CLCN4: variants seen among roughly 807,000 people sequenced by gnomAD.
CLCN4 encodes the protein Cl-/H+ antiporter 4.
CLCN4 carries 1 observed loss-of-function variant against 41.7 expected under a neutral mutation model. The ratio of observed to expected loss-of-function variants is 0.02; its 90% CI spans 0.01 to 0.11. The LOEUF (loss-of-function observed/expected upper bound fraction) is 0.11, where lower values mean the gene tolerates loss of function less well. Ranked by LOEUF, CLCN4 falls within the 10% of genes least tolerant of loss-of-function variation. The pLI is 1.00. For synonymous variants in CLCN4, 277 were observed against 285.8 expected, an observed-to-expected ratio of 0.97 and a Z score of 0.31; for missense variants, 287 against 661.0, an observed-to-expected ratio of 0.43 and a Z score of 6.20.
chrX:10,187,254 T>C (rs1923836769), intron 3 of CLCN4, among the ~76,000 whole-genome samples: 1 of 112,203 alleles, frequency 8.9e-6, no homozygotes. Flanking sequence ...ATTTAGTATG[T>C]TTTTTAATTA....
chrX:10,194,830 C>T, intron 4 of CLCN4, 81 bp from the exon 5 acceptor site: 2 of 990,193 alleles, frequency 2.0e-6, no homozygotes, highest in Non-Finnish European at 2.8e-6. Context: ...GCTGATGTGC[C>T]CCTGTCTGGC....
At chrX:10,160,789 G>C (rs769627481) in intron 2 of CLCN4, among the ~76,000 whole-genome samples, 1 of 111,593 alleles carries the variant, frequency 9.0e-6, no homozygotes, top group African/African-American at 3.3e-5. Flanking sequence ...CTAAAGATCT[G>C]GCTTTGACAC....
chrX:10,206,231 A>G, intron 6 of CLCN4, 127 bp from the exon 7 acceptor site: 1 of 472,898 alleles, frequency 2.1e-6, no homozygotes, highest in Non-Finnish European at 3.6e-6. Context: ...AAAAATGAAA[A>G]TGGTTTCTGT....
Position 10,213,733 on chromosome X carries a change from C to T in CLCN4, c.1629C>T (p.Thr543=), listed in dbSNP as rs765796078. 5.0e-5 allele frequency: 61 copies of T among 1,209,131 alleles called. No individual in the cohort carries two copies. The highest frequency in any genetic ancestry group is 6.7e-5 in the Non-Finnish European group (60 of 894,245). The change falls in exon 11 of 13, where the codon ACC becomes ACT. Residue 543 remains threonine (T), a synonymous_variant. Coordinates refer to ENST00000380833, the MANE Select transcript of CLCN4 (RefSeq NM_001830.4). The part of the protein sequence containing the change: ...VSLVVIMFEL[T]GGLEYIVPLM... The stretch of plus-strand genomic sequence containing the variant: ...TGGTGGTCATCATGTTTGAATTAAC[C>T]GGGGGTCTGGAGTACATCGTGCCCC...
Position 10,213,906 on chromosome X carries a change from G to A in CLCN4, c.1802G>A (p.Arg601Gln), listed in dbSNP as rs1489331301. The change falls in exon 11 of 13, where the codon CGG (arginine) becomes CAG (glutamine). Residue 601 changes from arginine (R) to glutamine (Q), a missense_variant. Coordinates refer to ENST00000380833, the MANE Select transcript of CLCN4 (RefSeq NM_001830.4). ...CGCACACTGGCCACCGACGTCATGC[G>A]GCCCCGGCGGGGAGAGCCGCCACTG... ...THRTLATDVMRPRRGEPPLSV... is the reference protein window; with the variant it reads ...THRTLATDVMQPRRGEPPLSV... The A allele has an allele frequency of 8.3e-7, 1 of 1,211,416 alleles. No homozygotes were observed. Among genetic ancestry groups the A allele is most frequent in the Non-Finnish European group, 1.1e-6 (1 of 895,341 alleles).
chrX:10,165,010 C>T (rs191258905), intron 2 of CLCN4, among the ~76,000 whole-genome samples: 1,534 of 112,374 alleles, frequency 0.014, 35 homozygotes, highest in African/African-American at 0.046. Flanking sequence ...GGAGGGTCAA[C>T]CCCCACACTT....
rs1162388799 is a variant in CLCN4 at position 10,197,804 on chromosome X, TTA to T, written c.433-132_433-131del. On this transcript the variant is annotated intron_variant, in intron 5 of 12. Coordinates refer to ENST00000380833, the MANE Select transcript of CLCN4 (RefSeq NM_001830.4). ...GATAAACCTACGCTGGCCTTTTGGT[TTA>T]TACAGGACTGGGACCAAACCTGCCC... 61 of 739,334 alleles carry T rather than the reference TTA, an allele frequency of 8.3e-5. No individual in the cohort carries two copies. The Admixed American group carries it at 1.9e-3, about 23-fold the overall frequency. The allele number at this position is 739,334 out of a possible 1,213,427, so 60.9% of individuals were successfully genotyped here. A position where few individuals can be genotyped will look rare whatever the true frequency, so the allele number is the denominator to read the frequency against.
chrX:10,188,235 G>A (rs1923865247), intron 4 of CLCN4, among the ~76,000 whole-genome samples: 1 of 112,579 alleles, frequency 8.9e-6, no homozygotes, highest in Non-Finnish European at 1.9e-5. Context: ...TTTATATTCG[G>A]TTATTCTTGA....
intron 2 of CLCN4, 77 bp from the exon 3 acceptor site, chrX:10,184,945 A>C: frequency 1.2e-6 from 1 of 815,988 alleles, no homozygotes; most frequent in Non-Finnish European, 1.7e-6. Context: ...ATAAGAAAAT[A>C]GGGCACATGG....
chrX:10,209,203 G>C (rs931406955), intron 9 of CLCN4, among the ~76,000 whole-genome samples: 14 of 109,839 alleles, frequency 1.3e-4, no homozygotes, highest in African/African-American at 4.6e-4. Context: ...GCATGACAGG[G>C]GCTCTTTGCA....
chrX:10,212,505 C>A lies in CLCN4; in HGVS notation c.1428C>A (p.Gly476=), dbSNP rs775225884. 2 of 1,209,899 alleles carry A rather than the reference C, an allele frequency of 1.7e-6. No homozygotes were observed. Among genetic ancestry groups the A allele is most frequent in the Admixed American group, 2.2e-5 (1 of 45,840 alleles). Residue 476 remains glycine, a synonymous_variant, in exon 10 of 13, where the codon GGC becomes GGA. Transcript: ENST00000380833. ...TCTTCATCCCCAGCATGGCTGTGGG[C>A]GCGATAGCGGGCAGGATGGTGGGAA... ...SGLFIPSMAV[G]AIAGRMVGIG...
intron 4 of CLCN4, among the ~76,000 whole-genome samples, chrX:10,189,796 TGTCACTGTTGGA>T (rs1266041578): frequency 8.9e-6 from 1 of 112,006 alleles, no homozygotes; most frequent in East Asian, 2.8e-4. Context: ...CACCGCTAGG[TGTCACTGTTGGA>T]CCACGAAAGA....
At chrX:10,160,871 C>T (rs996921320) in intron 2 of CLCN4, among the ~76,000 whole-genome samples, 1 of 111,303 alleles carries the variant, frequency 9.0e-6, no homozygotes, top group Non-Finnish European at 1.9e-5. Flanking sequence ...TGGGGCCAAC[C>T]GTGCTTGCTG....
At chrX:10,232,624 C>T (rs1039328262) in intron 12 of CLCN4, among the ~76,000 whole-genome samples, 1 of 111,885 alleles carries the variant, frequency 8.9e-6, no homozygotes, top group Non-Finnish European at 1.9e-5. Context: ...TTTCATTTTA[C>T]CCAAGGGACA....
At chrX:10,191,670 C>G (rs1010738750) in intron 4 of CLCN4, among the ~76,000 whole-genome samples, 1 of 100,855 alleles carries the variant, frequency 9.9e-6, no homozygotes, top group Admixed American at 1.1e-4. Flanking sequence ...GGACTATAGG[C>G]GCGTGCCACC....
chrX:10,172,434 G>A (rs1388462137), intron 2 of CLCN4, among the ~76,000 whole-genome samples: 1 of 111,720 alleles, frequency 9.0e-6, no homozygotes, highest in East Asian at 2.8e-4. Context: ...ATATGAGTGG[G>A]GCGCTGGCAG....
chrX:10,216,918 T>TATATATACACACACACAC (rs773265490), intron 11 of CLCN4, among the ~76,000 whole-genome samples: 844 of 38,882 alleles, frequency 0.022, 22 homozygotes, highest in Middle Eastern at 0.048. Flanking sequence ...TATATATATA[T>TATATATACACACACACAC]ACACACACAC....
intron 4 of CLCN4, 71 bp from the exon 5 acceptor site, chrX:10,194,840 C>A: frequency 9.3e-7 from 1 of 1,077,634 alleles, no homozygotes; most frequent in East Asian, 3.0e-5. Context: ...CCCTGTCTGG[C>A]CGCCGTGTTG....
chrX:10,198,113 CT>C, intron 6 of CLCN4, 52 bp downstream of exon 6: 1 of 1,130,283 alleles, frequency 8.8e-7, no homozygotes, highest in Non-Finnish European at 1.2e-6. Flanking sequence ...GCAAATTCTT[CT>C]GTAGCACTGT....
Sources: gnomAD v4.1 joint callset for allele counts (sites outside exome capture counted in the v4.1 genomes callset) on GRCh38, gnomAD v4.1.1 for gene constraint, MANE v1.5 for transcripts, NCBI Gene and HGNC (gene_info 2026-07-23, HGNC 2026-07-21) for gene names.